Variants in THRA observed in about 807,000 individuals in gnomAD.
THRA encodes EAR-7.
A neutral mutation model predicts 45.0 loss-of-function variants in THRA; 13 were observed. The ratio of observed to expected loss-of-function variants is 0.29; its 90% CI spans 0.19 to 0.46. The LOEUF is 0.46. Among genes scored for constraint, THRA ranks in the 20% least tolerant of loss-of-function variants. THRA has a pLI of 1.00. For synonymous variants in THRA, 195 were observed against 214.0 expected (o/e 0.91, Z 0.78); for missense variants, 278 against 556.1 (o/e 0.50, Z 5.03).
At chr17:40,084,089 G>T in intron 5 of THRA, 107 bp downstream of exon 5, 3 of 1,321,366 alleles carry the variant, frequency 2.3e-6, no homozygotes, top group Non-Finnish European at 3.1e-6. Context: ...AGGGCAGAGT[G>T]GCAATCCAGT....
At chr17:40,084,451 G>C in intron 5 of THRA, 159 bp from the exon 6 acceptor site, 1 of 734,084 alleles carries the variant, frequency 1.4e-6, no homozygotes, top group Non-Finnish European at 2.3e-6. Flanking sequence ...ATCATGATCC[G>C]GGTTGTGCTG....
intron 1 of THRA, among the ~76,000 whole-genome samples, chr17:40,070,521 G>A (rs1986736970): frequency 6.6e-6 from 1 of 152,182 alleles, no homozygotes; most frequent in Admixed American, 6.5e-5. Context: ...GGCTGCCTGT[G>A]GTGCCCGTGT....
chr17:40,085,950 A>G lies in THRA; in HGVS notation c.577-757A>G, dbSNP rs561607254. Among the ~76,000 whole-genome samples, 6 of 152,286 alleles carry G rather than the reference A, an allele frequency of 3.9e-5. No homozygotes were observed. The East Asian group carries it at 1.2e-3, about 29-fold the overall frequency. ...AGCTACTGCTCCCGGCCTCTCTACGAATAATTTTAAAATTAGCTGGGCATG... is the reference window on the plus strand; with the variant it reads ...AGCTACTGCTCCCGGCCTCTCTACGGATAATTTTAAAATTAGCTGGGCATG... On this transcript the variant is annotated intron_variant, in intron 6 of 8. Coordinates refer to ENST00000450525, the MANE Select transcript of THRA (RefSeq NM_199334.5).
chr17:40,089,720 C>A lies in THRA; in HGVS notation c.*264C>A. 1.5e-6 allele frequency: 2 copies of A among 1,329,574 alleles called. No homozygotes were observed. The highest frequency in any genetic ancestry group is 1.9e-6 in the Non-Finnish European group (2 of 1,034,436). 82.4% of individuals were successfully genotyped at this position (1,329,574 alleles called of 1,614,324 possible). On this transcript the variant is annotated 3_prime_UTR_variant, in exon 9 of 9. Coordinates refer to ENST00000450525, the MANE Select transcript of THRA (RefSeq NM_199334.5). The surrounding 1 kb of genome is among the most constrained non-coding windows in gnomAD (Gnocchi z 6.1). ...CTGTGTCCTGCAGTTCCCAGGACCC[C>A]ATCCTCTCAGAAGGTAGGGGAAGGG... is the stretch of plus-strand genomic sequence containing the variant.
At chr17:40,082,689 C>T (rs192339053) in intron 4 of THRA, among the ~76,000 whole-genome samples, 5 of 150,550 alleles carry the variant, frequency 3.3e-5, no homozygotes, top group Non-Finnish European at 7.4e-5. Context: ...GTGGTTCCAC[C>T]GCGGCTCAAA....
chr17:40,093,045 T>C, downstream of THRA: 2 of 1,614,108 alleles, frequency 1.2e-6, no homozygotes, highest in Non-Finnish European at 1.7e-6. This position sits in a 1 kb window ranked among gnomAD's most constrained non-coding sequence, Gnocchi z 5.9. Context: ...AGTTCGATTC[T>C]GTACAAGGGG....
In THRA at chr17:40,089,800, G is replaced by A. The variant is rs775674059; in HGVS notation, c.*344G>A. The A allele has an allele frequency of 6.2e-5, 71 of 1,144,912 alleles. No homozygotes were observed. Among genetic ancestry groups the A allele is most frequent in the Non-Finnish European group, 7.4e-5 (68 of 924,798 alleles). The allele number at this position is 1,144,912 out of a possible 1,614,324, so 70.9% of individuals were successfully genotyped here. A position where few individuals can be genotyped will look rare whatever the true frequency, so the allele number is the denominator to read the frequency against. ...TGACCGTAGGGGAAGGAGGAATGTG[G>A]GCTGGGGGAAGATGCCCTCAACTCA... On this transcript the variant is annotated 3_prime_UTR_variant, in exon 9 of 9. Transcript: ENST00000450525. This position sits in a 1 kb window ranked among gnomAD's most constrained non-coding sequence, Gnocchi z 6.1.
rs114100323 is a variant in THRA at position 40,072,615 on chromosome 17, A to G, written c.-297-1577A>G. Among the ~76,000 whole-genome samples, 484 of 152,190 alleles carry G rather than the reference A, an allele frequency of 3.2e-3. 5 individuals carry two copies. The highest frequency in any genetic ancestry group is 0.011 in the African/African-American group (470 of 41,502). On this transcript the variant is annotated intron_variant, in intron 1 of 8. Coordinates refer to ENST00000450525, the MANE Select transcript of THRA (RefSeq NM_199334.5). Reference sequence around the variant, plus strand: ...GACACAGACAGACAGACAGACATGCAGGCAGCCTCGCTGGACGTGGAGTCA... The same window carrying G: ...GACACAGACAGACAGACAGACATGCGGGCAGCCTCGCTGGACGTGGAGTCA...
intron 7 of THRA, 70 bp downstream of exon 7, chr17:40,086,923 A>T: frequency 6.3e-7 from 1 of 1,594,988 alleles, no homozygotes; most frequent in South Asian, 1.1e-5. Context: ...GTCACCCAGT[A>T]CAGGCTCATC....
chr17:40,076,442 A>T (rs963762205), intron 2 of THRA, among the ~76,000 whole-genome samples: 1 of 152,164 alleles, frequency 6.6e-6, no homozygotes. Context: ...CTCACCATCC[A>T]TGGGTTTATA....
At chr17:40,064,651 T>C (rs7405733) in intron 1 of THRA, among the ~76,000 whole-genome samples, 46,444 of 152,104 alleles carry the variant, frequency 0.31, 7,689 homozygotes, top group African/African-American at 0.42. Flanking sequence ...CCCAATGACA[T>C]GTTCTTGGTC....
chr17:40,074,447 C>T lies in THRA; in HGVS notation c.-42C>T. The stretch of plus-strand genomic sequence containing the variant: ...GGGGGGCCAGTGTGCCCACCCCAGT[C>T]TCTTGGCGTGCTGGAGGGCATCCTG... On this transcript the variant is annotated 5_prime_UTR_variant, in exon 2 of 9. Coordinates refer to ENST00000450525, the MANE Select transcript of THRA (RefSeq NM_199334.5). 1 of 1,612,614 alleles carries T rather than the reference C, an allele frequency of 6.2e-7. No homozygotes were observed. The highest frequency in any genetic ancestry group is 8.5e-7 in the Non-Finnish European group (1 of 1,178,842).
At chr17:40,071,310 C>T (rs1317284384) in intron 1 of THRA, among the ~76,000 whole-genome samples, 1 of 152,252 alleles carries the variant, frequency 6.6e-6, no homozygotes, top group African/African-American at 2.4e-5. Context: ...TCCCCTCTGG[C>T]AGCCCCAGGA....
At chr17:40,066,204 A>G (rs1986556844) in intron 1 of THRA, among the ~76,000 whole-genome samples, 2 of 152,108 alleles carry the variant, frequency 1.3e-5, no homozygotes, top group African/African-American at 4.8e-5. Context: ...AGGAGGGGGA[A>G]CTCAGGCAGG....
intron 1 of THRA, among the ~76,000 whole-genome samples, chr17:40,063,660 A>G (rs1382196002): frequency 2.0e-5 from 3 of 152,070 alleles, no homozygotes; most frequent in Admixed American, 2.0e-4. Flanking sequence ...CAACACTGCT[A>G]ATTGCAAAAA....
At position 40,088,459 on chromosome 17, in the gene THRA, C is replaced by T. The variant is rs1465676598; in HGVS notation, c.941C>T (p.Thr314Met). 4 of 1,613,958 alleles carry T rather than the reference C, an allele frequency of 2.5e-6. No homozygotes were observed. The highest frequency in any genetic ancestry group is 1.1e-5 in the South Asian group (1 of 91,082). ...KSLSAFNLDD[T>M]EVALLQAVLL... is the part of the protein sequence containing the mutation. ...CTCTCTGCCTTTAACCTGGATGACA[C>T]GGAAGTGGCTCTGCTGCAGGCTGTG... Residue 314 changes from threonine (T) to methionine (M), a missense_variant, in exon 8 of 9, where the codon ACG (threonine) becomes ATG (methionine). This residue lies in a region of THRA where 66 missense variants were observed against 94.7 expected (regional missense o/e 0.70). Transcript: ENST00000450525.
chr17:40,088,445 T>C lies in THRA; in HGVS notation c.927T>C (p.Phe309=). Residue 309 remains phenylalanine, a synonymous_variant, in exon 8 of 9, where the codon TTT becomes TTC. Coordinates refer to ENST00000450525, the MANE Select transcript of THRA (RefSeq NM_199334.5). ...AACTGGGCAAGTCACTCTCTGCCTT[T>C]AACCTGGATGACACGGAAGTGGCTC... ...IFELGKSLSA[F]NLDDTEVALL... is the part of the protein sequence containing the mutation. 6.2e-7 allele frequency: 1 copy of C among 1,614,098 alleles called. No individual in the cohort carries two copies. Among genetic ancestry groups the C allele is most frequent in the Non-Finnish European group, 8.5e-7 (1 of 1,179,970 alleles).
In THRA at chr17:40,089,520, C is replaced by T. The variant is rs2145087563; in HGVS notation, c.*64C>T. The T allele has an allele frequency of 1.3e-6, 2 of 1,575,594 alleles. No homozygotes were observed. Among genetic ancestry groups the T allele is most frequent in the East Asian group, 2.3e-5 (1 of 44,098 alleles). On this transcript the variant is annotated 3_prime_UTR_variant, in exon 9 of 9. Coordinates refer to ENST00000450525, the MANE Select transcript of THRA (RefSeq NM_199334.5). The surrounding 1 kb of genome is among the most constrained non-coding windows in gnomAD (Gnocchi z 6.1). ...AGGAGCCTGGAGAGAAGGGGCAGAGCTGGGGGCTGAGGGAGACCCCCCCAC... is the reference window on the plus strand; with the variant it reads ...AGGAGCCTGGAGAGAAGGGGCAGAGTTGGGGGCTGAGGGAGACCCCCCCAC...
intron 7 of THRA, 90 bp from the exon 8 acceptor site, chr17:40,088,152 G>T (rs1427873011): frequency 6.7e-7 from 1 of 1,492,982 alleles, no homozygotes; most frequent in Non-Finnish European, 8.9e-7. Flanking sequence ...GGCCTTGCGG[G>T]CCTCACGGCT....
Sources: gnomAD v4.1 joint callset for allele counts (sites outside exome capture counted in the v4.1 genomes callset) on GRCh38, gnomAD v4.1.1 for gene constraint, gnomAD v4.1.1 regional missense constraint, Gnocchi (gnomAD v3.1) non-coding constraint, MANE v1.5 for transcripts, NCBI Gene and HGNC (gene_info 2026-07-23, HGNC 2026-07-21) for gene names.